SETD3: variants seen among roughly 807,000 people sequenced by gnomAD.
SETD3 encodes SET domain containing 3, actin N3(tau)-histidine methyltransferase.
SETD3 carries 19 observed loss-of-function variants against 63.0 expected under a neutral mutation model. The observed-to-expected ratio is 0.30, with a 90% CI of 0.21 to 0.44. The LOEUF is 0.44. SETD3 is among the 20% of genes least tolerant of loss of function. The probability of loss-of-function intolerance (pLI) is 1.00; values close to 1 mark genes in which losing one functional copy is unlikely to be tolerated. For missense variants in SETD3, 587 were observed against 728.5 expected (o/e 0.81, Z 2.24); for synonymous variants, 286 against 264.1 (o/e 1.08, Z -0.80).
intron 8 of SETD3, among the ~76,000 whole-genome samples, chr14:99,410,913 T>A (rs1406888536): frequency 6.6e-6 from 1 of 152,214 alleles, no homozygotes; most frequent in Non-Finnish European, 1.5e-5. Context: ...CAGGGTAGAC[T>A]GACAATAAGA....
At chr14:99,410,218 GAA>G in intron 8 of SETD3, 3 of 1,613,752 alleles carry the variant, frequency 1.9e-6, no homozygotes, top group Non-Finnish European at 2.5e-6. Flanking sequence ...TCTGGTGTCT[GAA>G]GAATAGCAGG....
chr14:99,467,122 C>A (rs1050256870), intron 1 of SETD3, among the ~76,000 whole-genome samples: 2 of 152,150 alleles, frequency 1.3e-5, no homozygotes, highest in Non-Finnish European at 2.9e-5. Context: ...CATTATTTAA[C>A]AGGCTAACGT....
chr14:99,420,115 C>T (rs1028893604), intron 6 of SETD3, among the ~76,000 whole-genome samples: 1 of 152,140 alleles, frequency 6.6e-6, no homozygotes, highest in African/African-American at 2.4e-5. Context: ...TTCTTCCGGG[C>T]CACCTTCTCC....
At chr14:99,446,975 CTTT>C (rs35458723) in intron 6 of SETD3, among the ~76,000 whole-genome samples, 73 of 141,424 alleles carry the variant, frequency 5.2e-4, no homozygotes, top group Admixed American at 7.7e-4. Context: ...TATTTCATTT[CTTT>C]TTTTTTTTTT....
At chr14:99,469,571 T>C (rs891943397) in intron 1 of SETD3, among the ~76,000 whole-genome samples, 3 of 152,166 alleles carry the variant, frequency 2.0e-5, no homozygotes, top group African/African-American at 7.2e-5. Context: ...TGGCAAAACC[T>C]TGTCTCTACA....
At position 99,413,039 on chromosome 14, in the gene SETD3, C is replaced by G; in HGVS notation, c.761G>C (p.Arg254Thr). The G allele has an allele frequency of 6.2e-7, 1 of 1,613,414 alleles. No individual in the cohort carries two copies. The highest frequency in any genetic ancestry group is 8.5e-7 in the Non-Finnish European group (1 of 1,179,376). Residue 254 changes from arginine (R) to threonine (T), a missense_variant, in exon 8 of 13, where the codon AGG becomes ACG. Transcript: ENST00000331768. ...YRWAVSSVMT[R>T]QNQIPTEDGS... is the part of the protein sequence containing the mutation. ...ATCCTCTGTGGGAATTTGGTTTTGCCTCGTCATAACAGAAGAGACTGCCCA... is the reference window on the plus strand; with the variant it reads ...ATCCTCTGTGGGAATTTGGTTTTGCGTCGTCATAACAGAAGAGACTGCCCA...
intron 8 of SETD3, chr14:99,410,272 G>A (rs1398213399): frequency 1.2e-6 from 2 of 1,612,290 alleles, no homozygotes; most frequent in African/African-American, 1.3e-5. Flanking sequence ...GAGGGTGTGG[G>A]GGGACAGGTT....
chr14:99,403,819 C>A (rs1891533927), intron 11 of SETD3, among the ~76,000 whole-genome samples: 1 of 152,120 alleles, frequency 6.6e-6, no homozygotes, highest in South Asian at 2.1e-4. Flanking sequence ...TCCTACGGTC[C>A]ACGTATGCCA....
chr14:99,417,639 G>A lies in SETD3; in HGVS notation c.676-3705C>T, dbSNP rs190621186. ...TTAAGCTCATACAACAAACCTTTGT[G>A]GAGAACCAAAATAAGCAGAATTCAT... On this transcript the variant is annotated intron_variant, in intron 6 of 12. Coordinates refer to ENST00000331768, the MANE Select transcript of SETD3 (RefSeq NM_032233.3). Among the ~76,000 whole-genome samples the A allele has an allele frequency of 3.9e-5, 6 of 152,238 alleles. No homozygotes were observed. The East Asian group carries it at 1.2e-3, about 29-fold the overall frequency.
chr14:99,452,935 T>C (rs959158152), intron 6 of SETD3, among the ~76,000 whole-genome samples: 1 of 152,182 alleles, frequency 6.6e-6, no homozygotes, highest in Non-Finnish European at 1.5e-5. Context: ...AAATCACAGA[T>C]AAAAATTGCG....
At position 99,398,672 on chromosome 14, in the gene SETD3, C is replaced by T; in HGVS notation, c.*7G>A. 6.2e-7 allele frequency: 1 copy of T among 1,610,312 alleles called. No individual in the cohort carries two copies. The highest frequency in any genetic ancestry group is 2.2e-5 in the East Asian group (1 of 44,814). ...CCACTGGATCCCCCATCCAGCTTCA[C>T]CTCGAGCTACTCCTTAACTCCAGCA... On this transcript the variant is annotated 3_prime_UTR_variant, in exon 13 of 13. Coordinates refer to ENST00000331768, the MANE Select transcript of SETD3 (RefSeq NM_032233.3).
chr14:99,466,643 A>G (rs939244474), intron 1 of SETD3, among the ~76,000 whole-genome samples: 1 of 151,300 alleles, frequency 6.6e-6, no homozygotes, highest in Non-Finnish European at 1.5e-5. Flanking sequence ...GCATTCAAAG[A>G]CAGGGACAGG....
chr14:99,437,111 A>T (rs1332891828), intron 6 of SETD3, among the ~76,000 whole-genome samples: 108 of 152,222 alleles, frequency 7.1e-4, no homozygotes, highest in Non-Finnish European at 2.4e-4. Flanking sequence ...GCCAGCAAAT[A>T]GGCCTCAATT....
chr14:99,435,927 G>C (rs1345162492), intron 6 of SETD3, among the ~76,000 whole-genome samples: 1 of 152,054 alleles, frequency 6.6e-6, no homozygotes, highest in South Asian at 2.1e-4. Context: ...CCCAAGACGG[G>C]GTAGTTTATA....
At chr14:99,465,187 C>T (rs544330003) in intron 2 of SETD3, among the ~76,000 whole-genome samples, 4 of 152,086 alleles carry the variant, frequency 2.6e-5, no homozygotes, top group East Asian at 1.9e-4. Context: ...AAAAGAAAGG[C>T]GAGCCATTCC....
chr14:99,461,162 C>A (rs1355850218), intron 4 of SETD3, 30 bp downstream of exon 4: 5 of 1,612,250 alleles, frequency 3.1e-6, no homozygotes, highest in South Asian at 2.2e-5. Flanking sequence ...AACACATAGA[C>A]CCCTTGAGAC....
At chr14:99,466,550 G>A (rs1487146160) in intron 1 of SETD3, among the ~76,000 whole-genome samples, 1 of 151,798 alleles carries the variant, frequency 6.6e-6, no homozygotes, top group African/African-American at 2.4e-5. Flanking sequence ...ATGAGATAAT[G>A]CTTGCTTGCA....
At chr14:99,482,793 T>C (rs3918042), upstream of SETD3, among the ~76,000 whole-genome samples, 1 of 152,174 alleles carries the variant, frequency 6.6e-6, no homozygotes, top group East Asian at 1.9e-4. Flanking sequence ...TAAAGAAAAA[T>C]TGGTCATAGC....
intron 1 of SETD3, among the ~76,000 whole-genome samples, chr14:99,468,336 G>C (rs749899991): frequency 1.3e-5 from 2 of 151,904 alleles, no homozygotes; most frequent in Non-Finnish European, 2.9e-5. Flanking sequence ...CACTAGTCTC[G>C]TACATCTCCC....
Sources: gnomAD v4.1 joint callset for allele counts (sites outside exome capture counted in the v4.1 genomes callset) on GRCh38, gnomAD v4.1.1 for gene constraint, MANE v1.5 for transcripts, NCBI Gene and HGNC (gene_info 2026-07-23, HGNC 2026-07-21) for gene names.